HYCC1: variants seen among roughly 807,000 people sequenced by gnomAD.
The protein encoded by HYCC1 is hyccin PI4KA lipid kinase complex subunit 1.
the HYCC1 span, among the ~76,000 whole-genome samples, chr7:22,898,619 TTG>T: frequency 7.0e-6 from 1 of 143,726 alleles, no homozygotes; most frequent in South Asian, 2.2e-4. Context: ...TTTTTTTTTT[TTG>T]AGACAGAGCC....
the HYCC1 span, among the ~76,000 whole-genome samples, chr7:22,933,086 T>G: frequency 1.3e-5 from 2 of 152,170 alleles, no homozygotes; most frequent in Non-Finnish European, 2.9e-5. Flanking sequence ...GGGGATATTT[T>G]CCTGCTGACA....
the HYCC1 span, among the ~76,000 whole-genome samples, chr7:22,962,235 T>A: frequency 0.059 from 8,923 of 152,192 alleles, 378 homozygotes; most frequent in Non-Finnish European, 0.087. Context: ...TCTTAACAAA[T>A]TCCTAGAAGC....
the HYCC1 span, among the ~76,000 whole-genome samples, chr7:22,973,908 C>G: frequency 6.6e-6 from 1 of 152,108 alleles, no homozygotes; most frequent in Non-Finnish European, 1.5e-5. Context: ...TCAGTAGTTT[C>G]AGGGAAACGT....
the HYCC1 span, among the ~76,000 whole-genome samples, chr7:22,991,974 C>G: frequency 6.6e-6 from 1 of 151,954 alleles, no homozygotes; most frequent in Non-Finnish European, 1.5e-5. Flanking sequence ...CTATTACTTA[C>G]TTGGGTAAGA....
At chr7:22,897,752 C>T in the HYCC1 span, among the ~76,000 whole-genome samples, 3 of 151,846 alleles carry the variant, frequency 2.0e-5, no homozygotes, top group Non-Finnish European at 2.9e-5. Flanking sequence ...GCTACAGGTG[C>T]TCGCTACCAC....
At chr7:22,989,293 C>T in the HYCC1 span, among the ~76,000 whole-genome samples, 1 of 31,200 alleles carries the variant, frequency 3.2e-5, no homozygotes, top group Admixed American at 4.0e-4. Flanking sequence ...GAAACACACA[C>T]ACACACACAC....
the HYCC1 span, among the ~76,000 whole-genome samples, chr7:22,947,882 T>C: frequency 5.3e-5 from 8 of 152,226 alleles, no homozygotes; most frequent in African/African-American, 1.9e-4. Context: ...TAACAGTAAG[T>C]ATTAATGTGG....
chr7:22,926,567 A>G, the HYCC1 span, among the ~76,000 whole-genome samples: 24 of 152,200 alleles, frequency 1.6e-4, no homozygotes, highest in African/African-American at 5.6e-4. Context: ...AAACCAACAA[A>G]GATCAAAAGA....
chr7:22,940,758 T>C, the HYCC1 span: 1 of 152,000 alleles, frequency 6.6e-6, no homozygotes, highest in Admixed American at 6.6e-5. Context: ...AAGTCCTATC[T>C]AGGTACTAGG....
At chr7:22,991,894 C>T in the HYCC1 span, among the ~76,000 whole-genome samples, 1 of 152,032 alleles carries the variant, frequency 6.6e-6, no homozygotes, top group Non-Finnish European at 1.5e-5. Context: ...CTTCATTAAG[C>T]TACTTAATTT....
chr7:22,941,836 G>T, the HYCC1 span: 5 of 152,186 alleles, frequency 3.3e-5, no homozygotes, highest in Admixed American at 2.0e-4. Flanking sequence ...GCTCATTAAA[G>T]GACTAGAGAG....
At chr7:22,918,830 C>CT in the HYCC1 span, among the ~76,000 whole-genome samples, 1 of 152,090 alleles carries the variant, frequency 6.6e-6, no homozygotes, top group Non-Finnish European at 1.5e-5. Context: ...TTTGCTGACT[C>CT]TCTTTTCAGA....
chr7:22,986,114 G>A, the HYCC1 span, among the ~76,000 whole-genome samples: 10 of 151,742 alleles, frequency 6.6e-5, no homozygotes, highest in Non-Finnish European at 1.3e-4. Context: ...CTAGCTGACC[G>A]TCACGAGGTA....
At chr7:22,966,251 G>T in the HYCC1 span, among the ~76,000 whole-genome samples, 1 of 152,194 alleles carries the variant, frequency 6.6e-6, no homozygotes, top group Middle Eastern at 3.4e-3. Context: ...ATGTATTTTT[G>T]AACTTTCTGA....
At chr7:22,967,882 T>C in the HYCC1 span, among the ~76,000 whole-genome samples, 1 of 152,204 alleles carries the variant, frequency 6.6e-6, no homozygotes, top group African/African-American at 2.4e-5. Context: ...TTCAGATATG[T>C]TGATTTTTAG....
the HYCC1 span, among the ~76,000 whole-genome samples, chr7:22,928,411 T>C: frequency 6.6e-6 from 1 of 152,206 alleles, no homozygotes; most frequent in African/African-American, 2.4e-5. Context: ...TGTTTGCAGA[T>C]GACATGATTG....
At chr7:23,010,059 C>T in the HYCC1 span, among the ~76,000 whole-genome samples, 1 of 152,252 alleles carries the variant, frequency 6.6e-6, no homozygotes, top group South Asian at 2.1e-4. Context: ...AGGAATTGTT[C>T]TGAGGGGTAT....
the HYCC1 span, among the ~76,000 whole-genome samples, chr7:22,904,695 G>C: frequency 6.6e-6 from 1 of 151,754 alleles, no homozygotes; most frequent in Non-Finnish European, 1.5e-5. Context: ...GCTCATGACA[G>C]CACTTTGGGA....
chr7:22,905,207 T>TC, the HYCC1 span, among the ~76,000 whole-genome samples: 1 of 151,998 alleles, frequency 6.6e-6, no homozygotes, highest in Non-Finnish European at 1.5e-5. Context: ...ATTTCTTTTT[T>TC]CTTTTTTTCT....
Sources: allele counts gnomAD v4.1 joint callset (sites outside exome capture counted in the v4.1 genomes callset), GRCh38; gene constraint gnomAD v4.1.1; transcripts MANE v1.5; gene names NCBI Gene and HGNC (gene_info 2026-07-23, HGNC 2026-07-21).